Variants in NDUFAF6 observed in about 807,000 individuals in gnomAD.
The protein encoded by NDUFAF6 is NADH:ubiquinone oxidoreductase complex assembly factor 6, also known as NADH dehydrogenase (ubiquinone) complex I, assembly factor 6.
In NDUFAF6, 45 loss-of-function variants were observed where a neutral mutation model predicts 40.8. The observed-to-expected ratio is 1.10, with a 90% CI of 0.87 to 1.42. The LOEUF (loss-of-function observed/expected upper bound fraction) is 1.42, where lower values mean the gene tolerates loss of function less well. Among genes scored for constraint, NDUFAF6 ranks in the 40% most tolerant of loss-of-function variants. The pLI, the probability that NDUFAF6 is intolerant of heterozygous loss-of-function variation, is 0.00. For missense variants in NDUFAF6, 435 were observed against 418.5 expected, an observed-to-expected ratio of 1.04 and a Z score of -0.34; for synonymous variants, 185 against 155.9, an observed-to-expected ratio of 1.19 and a Z score of -1.39.
At chr8:95,082,242 C>T (rs1169372389) in intron 2 of NDUFAF6, among the ~76,000 whole-genome samples, 6 of 151,752 alleles carry the variant, frequency 4.0e-5, no homozygotes, top group Non-Finnish European at 1.5e-5. Flanking sequence ...TTTGGGAGGC[C>T]GAGGCAGGAG....
chr8:94,906,236 G>A (rs2131197334), intron 1 of NDUFAF6, among the ~76,000 whole-genome samples: 1 of 152,180 alleles, frequency 6.6e-6, no homozygotes, highest in South Asian at 2.1e-4. Flanking sequence ...TCTTCTCTGT[G>A]CTCTTAGGTA....
upstream of NDUFAF6, among the ~76,000 whole-genome samples, chr8:94,957,203 G>T (rs1246242595): frequency 6.6e-6 from 1 of 152,074 alleles, no homozygotes; most frequent in Non-Finnish European, 1.5e-5. Context: ...AACAAAGAAA[G>T]GATGAGGGAC....
chr8:95,088,682 T>G (rs951727457), intron 2 of NDUFAF6, among the ~76,000 whole-genome samples: 3 of 149,358 alleles, frequency 2.0e-5, no homozygotes, highest in Non-Finnish European at 4.4e-5. Flanking sequence ...GTCACTTTTT[T>G]GGGGTTTTGT....
At chr8:94,953,090 G>A (rs1479342798), upstream of NDUFAF6, among the ~76,000 whole-genome samples, 1 of 152,250 alleles carries the variant, frequency 6.6e-6, no homozygotes, top group Non-Finnish European at 1.5e-5. Context: ...GCTTACGCCT[G>A]TAATCCCAGC....
Position 94,933,833 on chromosome 8 carries a change from G to GT in NDUFAF6, c.-935-11649dup, listed in dbSNP as rs1191045780. Among the ~76,000 whole-genome samples the GT allele has an allele frequency of 6.3e-3, 639 of 101,946 alleles. 40 individuals are homozygous for GT. Among genetic ancestry groups the GT allele is most frequent in the South Asian group, 0.015 (35 of 2,272 alleles). The allele number at this position is 101,946 out of a possible 152,430, so 66.9% of individuals were successfully genotyped here. On this transcript the variant is annotated intron_variant, in intron 1 of 14. Transcript: ENST00000396113. Reference sequence around the variant, plus strand: ...CTCATGCCTGTAATCCCAGCACTTTGTGGGGGGGGGGGGAGGATCACGAGG... The same window carrying GT: ...CTCATGCCTGTAATCCCAGCACTTTGTTGGGGGGGGGGGGAGGATCACGAGG...
intron 1 of NDUFAF6, among the ~76,000 whole-genome samples, chr8:94,916,175 G>A (rs974228225): frequency 1.3e-5 from 2 of 152,162 alleles, no homozygotes; most frequent in Admixed American, 6.5e-5. Context: ...AGAAAAAAAC[G>A]AAGTTCATGC....
At chr8:94,995,613 C>A (rs534706416) in intron 2 of NDUFAF6, among the ~76,000 whole-genome samples, 1 of 151,970 alleles carries the variant, frequency 6.6e-6, no homozygotes, top group African/African-American at 2.4e-5. Context: ...AAAGAATGGC[C>A]GACTTTATTC....
intron 1 of NDUFAF6, among the ~76,000 whole-genome samples, chr8:94,973,203 G>A (rs1824618110): frequency 1.3e-5 from 2 of 152,310 alleles, no homozygotes; most frequent in South Asian, 2.1e-4. Context: ...CTCCCTAGCT[G>A]TGTGACCTTA....
intron 1 of NDUFAF6, chr8:94,926,406 AAAC>A (rs1819897321): frequency 9.5e-6 from 1 of 105,420 alleles, no homozygotes; most frequent in African/African-American, 3.6e-5. Context: ...TGAGAAAAAA[AAAC>A]AAAGCCACTT....
chr8:95,073,207 A>C (rs923030211), intron 9 of NDUFAF6: 1 of 152,516 alleles, frequency 6.6e-6, no homozygotes, highest in Non-Finnish European at 1.5e-5. Context: ...CTCAGCCCCA[A>C]CGGCGCTTTA....
intron 4 of NDUFAF6, among the ~76,000 whole-genome samples, chr8:95,044,156 A>G (rs1049733385): frequency 6.6e-6 from 1 of 152,250 alleles, no homozygotes; most frequent in Non-Finnish European, 1.5e-5. Context: ...TTCCATTTGT[A>G]TGAAATGCCC....
chr8:95,065,305 C>G (rs1832675656), intron 9 of NDUFAF6, among the ~76,000 whole-genome samples: 1 of 152,168 alleles, frequency 6.6e-6, no homozygotes, highest in Non-Finnish European at 1.5e-5. Flanking sequence ...GACGCTATCT[C>G]TAGGTAAATA....
intron 2 of NDUFAF6, among the ~76,000 whole-genome samples, chr8:95,005,146 T>C (rs1826905631): frequency 6.6e-6 from 1 of 152,152 alleles, no homozygotes; most frequent in South Asian, 2.1e-4. Flanking sequence ...AGTTTCCTTC[T>C]TGGTAAAATG....
intron 2 of NDUFAF6, among the ~76,000 whole-genome samples, chr8:94,992,504 A>G (rs531227222): frequency 1.9e-4 from 29 of 152,232 alleles, no homozygotes; most frequent in African/African-American, 6.7e-4. Flanking sequence ...AAAAAAAATG[A>G]CATGTTAAAA....
intron 1 of NDUFAF6, among the ~76,000 whole-genome samples, chr8:95,029,169 T>G (rs1418711576): frequency 1.3e-5 from 2 of 152,234 alleles, no homozygotes; most frequent in Non-Finnish European, 2.9e-5. Context: ...AGGCCCAGGT[T>G]AGACTCATAT....
At chr8:95,014,941 T>A (rs1220608483) in intron 2 of NDUFAF6, among the ~76,000 whole-genome samples, 2 of 152,180 alleles carry the variant, frequency 1.3e-5, no homozygotes, top group Non-Finnish European at 2.9e-5. Context: ...TTCTCTACCA[T>A]CTATATAATC....
At chr8:95,044,370 T>C (rs1225384100) in intron 4 of NDUFAF6, 2 of 152,098 alleles carry the variant, frequency 1.3e-5, no homozygotes, top group African/African-American at 4.8e-5. Context: ...AAGGGATAAA[T>C]TTTATGGTAT....
downstream of NDUFAF6, among the ~76,000 whole-genome samples, chr8:95,079,683 A>G (rs1289576847): frequency 6.6e-6 from 1 of 151,808 alleles, no homozygotes; most frequent in Middle Eastern, 3.4e-3. Flanking sequence ...TGATTCTTGA[A>G]GGAAGAAGAA....
At chr8:95,093,120 G>A (rs1237967939) in intron 2 of NDUFAF6, among the ~76,000 whole-genome samples, 2 of 136,378 alleles carry the variant, frequency 1.5e-5, no homozygotes, top group East Asian at 4.3e-4. Flanking sequence ...CCTTGGGAGT[G>A]TAAGGGGTGG....
Sources: allele counts gnomAD v4.1 joint callset (sites outside exome capture counted in the v4.1 genomes callset), GRCh38; gene constraint gnomAD v4.1.1; transcripts MANE v1.5; gene names NCBI Gene and HGNC (gene_info 2026-07-23, HGNC 2026-07-21).